The following CADM2 variants were observed in gnomAD, a reference collection of about 807,000 sequenced individuals.
The protein encoded by CADM2 is immunoglobulin superfamily member 4D.
Under a neutral mutation model 49.8 loss-of-function variants are expected in CADM2, and 12 were observed. The observed-to-expected ratio is 0.24, with a 90% CI of 0.15 to 0.39. The LOEUF is 0.39. Ranked by LOEUF, CADM2 falls within the 10% of genes least tolerant of loss-of-function variation. The pLI is 1.00. For synonymous variants in CADM2, 214 were observed against 175.4 expected, an observed-to-expected ratio of 1.22 and a Z score of -1.74; for missense variants, 378 against 492.3, an observed-to-expected ratio of 0.77 and a Z score of 2.20.
intron 2 of CADM2, among the ~76,000 whole-genome samples, chr3:85,763,080 G>A (rs1027550017): frequency 6.6e-6 from 1 of 152,104 alleles, no homozygotes; most frequent in Non-Finnish European, 1.5e-5. Flanking sequence ...AAGACAATGA[G>A]TTCCTTAAAG....
chr3:85,767,681 A>G (rs943981977), intron 2 of CADM2, among the ~76,000 whole-genome samples: 5 of 152,172 alleles, frequency 3.3e-5, no homozygotes, highest in Admixed American at 6.5e-5. Flanking sequence ...TAAATGTGGC[A>G]TTACAGAAAC....
intron 1 of CADM2, among the ~76,000 whole-genome samples, chr3:85,416,968 G>C (rs2035945983): frequency 6.6e-6 from 1 of 151,900 alleles, no homozygotes; most frequent in Admixed American, 6.6e-5. Context: ...TTTCAATTGT[G>C]CTTTATTCAA....
chr3:85,214,782 C>A (rs893815143), intron 1 of CADM2, among the ~76,000 whole-genome samples: 5 of 152,060 alleles, frequency 3.3e-5, no homozygotes, highest in Admixed American at 3.3e-4. Flanking sequence ...CTGATGTTCA[C>A]TCAAGGCCCA....
At chr3:85,444,909 C>T (rs2037374177) in intron 1 of CADM2, among the ~76,000 whole-genome samples, 1 of 152,094 alleles carries the variant, frequency 6.6e-6, no homozygotes, top group Admixed American at 6.6e-5. Flanking sequence ...AAAATATTCT[C>T]ATCATATTCT....
At chr3:85,073,947 G>T (rs144343713) in intron 1 of CADM2, among the ~76,000 whole-genome samples, 1 of 151,880 alleles carries the variant, frequency 6.6e-6, no homozygotes, top group Non-Finnish European at 1.5e-5. Flanking sequence ...CAAGAATAAC[G>T]TGTATCCATA....
intron 8 of CADM2, among the ~76,000 whole-genome samples, chr3:86,037,008 C>A (rs554698927): frequency 2.0e-5 from 3 of 152,092 alleles, no homozygotes; most frequent in African/African-American, 7.2e-5. Flanking sequence ...TCTATTAATG[C>A]TGTTAACTTG....
At chr3:85,364,121 T>A (rs535263842) in intron 1 of CADM2, among the ~76,000 whole-genome samples, 98 of 152,348 alleles carry the variant, frequency 6.4e-4, no homozygotes, top group Non-Finnish European at 1.1e-3. Context: ...AAGGCTCTAT[T>A]AAAATATATT....
At chr3:85,106,491 C>G (rs1304514224) in intron 1 of CADM2, among the ~76,000 whole-genome samples, 6 of 152,094 alleles carry the variant, frequency 3.9e-5, no homozygotes, top group Admixed American at 1.3e-4. Context: ...TATTTGGGCA[C>G]AGGTTCCTTA....
chr3:86,000,161 G>A (rs1454274718), intron 8 of CADM2, among the ~76,000 whole-genome samples: 7 of 152,168 alleles, frequency 4.6e-5, no homozygotes, highest in Non-Finnish European at 5.9e-5. Context: ...AAAGGGGGAA[G>A]TACTTTCAGG....
At chr3:85,961,818 CCAGT>C (rs1724853046) in intron 8 of CADM2, among the ~76,000 whole-genome samples, 171 bp downstream of exon 8, 2 of 151,576 alleles carry the variant, frequency 1.3e-5, no homozygotes, top group African/African-American at 4.8e-5. Context: ...TAATATATTC[CCAGT>C]CAGACTGATA....
intron 1 of CADM2, among the ~76,000 whole-genome samples, chr3:85,590,779 G>A (rs1053793083): frequency 2.6e-5 from 4 of 151,776 alleles, no homozygotes. Context: ...ATACCTAGAG[G>A]AAAGCTAAAG....
At chr3:85,996,214 A>G (rs956081281) in intron 8 of CADM2, among the ~76,000 whole-genome samples, 4 of 151,320 alleles carry the variant, frequency 2.6e-5, no homozygotes, top group Non-Finnish European at 5.9e-5. Flanking sequence ...TTACTTTCAG[A>G]CAATGCCACT....
At chr3:85,768,468 A>ATAC (rs1325755096) in intron 2 of CADM2, among the ~76,000 whole-genome samples, 1 of 93,082 alleles carries the variant, frequency 1.1e-5, no homozygotes, top group African/African-American at 3.9e-5. Flanking sequence ...TAAATAAATA[A>ATAC]ATAATAAATA....
intron 8 of CADM2, among the ~76,000 whole-genome samples, chr3:85,967,276 G>A (rs1295554694): frequency 6.6e-6 from 1 of 151,602 alleles, no homozygotes; most frequent in African/African-American, 2.4e-5. Flanking sequence ...CTTACTATGG[G>A]AGAGGAAAAA....
Position 85,726,549 on chromosome 3 carries a change from G to GCA in CADM2, c.88+1_88+2insCA. Reference sequence around the variant, plus strand: ...GCTGCTTCAAAGAATAAAGTTAAAGGTGAGCTCCTGTTTATTCTGCATGAG... The same window carrying GCA: ...GCTGCTTCAAAGAATAAAGTTAAAGGCATGAGCTCCTGTTTATTCTGCATGAG... On this transcript the variant is annotated splice_donor_variant, in intron 2 of 9. Coordinates refer to ENST00000383699, the MANE Select transcript of CADM2 (RefSeq NM_001167675.2). LOFTEE classifies it high-confidence loss of function. 6.2e-7 allele frequency: 1 copy of GCA among 1,610,720 alleles called. No individual in the cohort carries two copies. Among genetic ancestry groups the GCA allele is most frequent in the Non-Finnish European group, 8.5e-7 (1 of 1,177,492 alleles).
chr3:85,037,209 A>G (rs2035257174), intron 1 of CADM2, among the ~76,000 whole-genome samples: 1 of 152,118 alleles, frequency 6.6e-6, no homozygotes, highest in Non-Finnish European at 1.5e-5. Context: ...ATTCTGCTTT[A>G]CTGTCATTGT....
intron 1 of CADM2, among the ~76,000 whole-genome samples, chr3:85,632,682 A>G (rs2064348361): frequency 6.6e-6 from 1 of 151,882 alleles, no homozygotes; most frequent in Non-Finnish European, 1.5e-5. Context: ...TGATTTCATT[A>G]TTCTCATTGT....
At chr3:85,164,146 G>T (rs192215056) in intron 1 of CADM2, among the ~76,000 whole-genome samples, 3 of 151,924 alleles carry the variant, frequency 2.0e-5, no homozygotes, top group African/African-American at 7.2e-5. Context: ...TTTTGCCTTT[G>T]GATTTTTCTT....
intron 1 of CADM2, among the ~76,000 whole-genome samples, chr3:85,616,155 A>C (rs2063795608): frequency 6.6e-6 from 1 of 151,848 alleles, no homozygotes; most frequent in African/African-American, 2.4e-5. Context: ...AAAAAATGTG[A>C]AATTTGACAG....
Sources: gnomAD v4.1 joint callset for allele counts (sites outside exome capture counted in the v4.1 genomes callset) on GRCh38, gnomAD v4.1.1 for gene constraint, MANE v1.5 for transcripts, NCBI Gene and HGNC (gene_info 2026-07-23, HGNC 2026-07-21) for gene names.